The following PAK6 variants were observed in gnomAD, a reference collection of about 807,000 sequenced individuals.
PAK6 encodes p21 (RAC1) activated kinase 6.
PAK6 carries 33 observed loss-of-function variants against 60.8 expected under a neutral mutation model. The ratio of observed to expected loss-of-function variants is 0.54; its 90% CI spans 0.41 to 0.73. PAK6 has a LOEUF of 0.73. Ranked by LOEUF, PAK6 falls within the 30% of genes least tolerant of loss-of-function variation. The pLI is 0.00. For missense variants in PAK6, 845 were observed against 904.1 expected, an observed-to-expected ratio of 0.93 and a Z score of 0.84; for synonymous variants, 404 against 378.5, an observed-to-expected ratio of 1.07 and a Z score of -0.78.
intron 3 of PAK6, chr15:40,263,786 T>A: frequency 2.5e-6 from 1 of 404,430 alleles, no homozygotes. Context: ...GGCTAATTTC[T>A]TTGTATTTTT....
intron 2 of PAK6, chr15:40,252,863 G>C: frequency 8.0e-7 from 1 of 1,254,338 alleles, no homozygotes; most frequent in Non-Finnish European, 1.0e-6. Flanking sequence ...ACCTCCCTCC[G>C]CGGGCGCCCG....
chr15:40,252,501 G>C (rs1352377965), intron 2 of PAK6: 1 of 1,363,466 alleles, frequency 7.3e-7, no homozygotes, highest in Admixed American at 1.9e-5. Flanking sequence ...CTTCTCCCGC[G>C]CTCTGGGTTC....
chr15:40,273,253 C>T, intron 7 of PAK6, 93 bp from the exon 8 acceptor site: 1 of 1,450,164 alleles, frequency 6.9e-7, no homozygotes. Flanking sequence ...AGCTGTGGGG[C>T]CTAGCACCAG....
chr15:40,245,305 AC>A (rs2038467880), intron 2 of PAK6: 1 of 152,308 alleles, frequency 6.6e-6, no homozygotes, highest in South Asian at 2.1e-4. Context: ...ATAGCAACAA[AC>A]CAGTCACCTT....
At chr15:40,241,461 C>T (rs1250429216) in intron 2 of PAK6, among the ~76,000 whole-genome samples, 1 of 38,758 alleles carries the variant, frequency 2.6e-5, no homozygotes, top group East Asian at 2.3e-3. Flanking sequence ...CACGGGAGCT[C>T]ATCTAGCTGG....
intron 2 of PAK6, among the ~76,000 whole-genome samples, chr15:40,249,515 C>T (rs2038601636): frequency 6.6e-6 from 1 of 152,214 alleles, no homozygotes; most frequent in Non-Finnish European, 1.5e-5. Context: ...GGAAGCATGC[C>T]ATCATTGGCA....
intron 2 of PAK6, chr15:40,252,224 C>A: frequency 8.5e-7 from 1 of 1,174,762 alleles, no homozygotes; most frequent in Admixed American, 3.7e-5. Context: ...AGAGTCGGCC[C>A]GCGGCTCTGG....
In PAK6 at chr15:40,272,722, G is replaced by T; in HGVS notation, c.1356+1G>T. On this transcript the variant is annotated splice_donor_variant, in intron 6 of 10. Transcript: ENST00000560346. LOFTEE classifies it high-confidence loss of function. ...GCGCAGGGAGCTGCTCTTCAACGAG[G>T]TGGGAGGACAGGGTGGGACACAGAC... is the stretch of plus-strand genomic sequence containing the variant. 6.3e-7 allele frequency: 1 copy of T among 1,585,372 alleles called. No homozygotes were observed.
chr15:40,256,732 T>C (rs2038844434), intron 3 of PAK6: 1 of 152,212 alleles, frequency 6.6e-6, no homozygotes, highest in South Asian at 2.1e-4. Context: ...ACTTAGTCTC[T>C]CCTTCTCTGC....
intron 5 of PAK6, among the ~76,000 whole-genome samples, chr15:40,267,575 C>T (rs796787117): frequency 1.1e-4 from 17 of 152,314 alleles, no homozygotes; most frequent in African/African-American, 1.7e-4. Context: ...AGGAGAATGG[C>T]GTGAACCCGG....
chr15:40,269,209 G>A (rs1374186310), intron 5 of PAK6, among the ~76,000 whole-genome samples: 1 of 152,096 alleles, frequency 6.6e-6, no homozygotes, highest in African/African-American at 2.4e-5. Context: ...AGAAGAGATG[G>A]GGTTTCACCA....
intron 3 of PAK6, among the ~76,000 whole-genome samples, chr15:40,257,923 C>T (rs1307401893): frequency 3.3e-5 from 5 of 152,210 alleles, no homozygotes; most frequent in African/African-American, 7.2e-5. Context: ...CTTACTCACC[C>T]CCTCCTCAAG....
intron 3 of PAK6, among the ~76,000 whole-genome samples, chr15:40,253,639 G>T (rs568374126): frequency 6.6e-6 from 1 of 152,358 alleles, no homozygotes; most frequent in Admixed American, 6.5e-5. Flanking sequence ...TCCCAAACAG[G>T]AAGGGTGGTG....
At chr15:40,274,358 T>A in intron 10 of PAK6, 82 bp downstream of exon 10, 1 of 1,411,174 alleles carries the variant, frequency 7.1e-7, no homozygotes, top group Non-Finnish European at 9.6e-7. Context: ...TCCCAGCATC[T>A]CCCTTCCACT....
intron 2 of PAK6, among the ~76,000 whole-genome samples, chr15:40,241,667 G>A (rs895444516): frequency 2.6e-5 from 4 of 152,180 alleles, no homozygotes; most frequent in African/African-American, 9.7e-5. Flanking sequence ...GAGAGGGGGA[G>A]TGTGGGGACT....
intron 2 of PAK6, among the ~76,000 whole-genome samples, chr15:40,248,406 G>T (rs999451082): frequency 2.6e-5 from 4 of 152,194 alleles, no homozygotes; most frequent in African/African-American, 9.7e-5. Flanking sequence ...GGGCTCCAGG[G>T]TGAGTGGGCA....
At chr15:40,256,088 G>A (rs1017728051) in intron 3 of PAK6, among the ~76,000 whole-genome samples, 3 of 152,116 alleles carry the variant, frequency 2.0e-5, no homozygotes, top group African/African-American at 4.8e-5. Context: ...AGCTGGGCAC[G>A]GTGGTATGCT....
chr15:40,247,767 C>G (rs148926953), intron 2 of PAK6, among the ~76,000 whole-genome samples: 2 of 152,244 alleles, frequency 1.3e-5, no homozygotes, highest in African/African-American at 4.8e-5. Flanking sequence ...TGGCGCTGGG[C>G]TCTCTTTCCG....
chr15:40,255,486 C>A (rs1163887543), intron 3 of PAK6, among the ~76,000 whole-genome samples: 1 of 152,232 alleles, frequency 6.6e-6, no homozygotes, highest in Non-Finnish European at 1.5e-5. Flanking sequence ...AGCACACTGA[C>A]CCTGAGCAGG....
Sources: allele counts gnomAD v4.1 joint callset (sites outside exome capture counted in the v4.1 genomes callset), GRCh38; gene constraint gnomAD v4.1.1; transcripts MANE v1.5; gene names NCBI Gene and HGNC (gene_info 2026-07-23, HGNC 2026-07-21).